ARSK: variants seen among roughly 807,000 people sequenced by gnomAD.
ARSK encodes the protein arylsulfatase K.
A neutral mutation model predicts 53.2 loss-of-function variants in ARSK; 37 were observed. The ratio of observed to expected loss-of-function variants is 0.70; its 90% CI spans 0.54 to 0.92. The LOEUF is 0.92. Among genes scored for constraint, ARSK ranks in the 40% least tolerant of loss-of-function variants. The pLI, the probability that ARSK is intolerant of heterozygous loss-of-function variation, is 0.00. For missense variants in ARSK, 613 were observed against 643.0 expected (o/e 0.95, Z 0.51); for synonymous variants, 208 against 223.2 (o/e 0.93, Z 0.61).
At chr5:95,596,956 G>T (rs1359409842) in intron 6 of ARSK, among the ~76,000 whole-genome samples, 20 of 151,988 alleles carry the variant, frequency 1.3e-4, no homozygotes, top group African/African-American at 4.8e-4. Context: ...TAGTGTGATA[G>T]GATACTATTA....
At chr5:95,569,189 T>C (rs1218697568) in intron 3 of ARSK, among the ~76,000 whole-genome samples, 1 of 152,190 alleles carries the variant, frequency 6.6e-6, no homozygotes, top group Non-Finnish European at 1.5e-5. Context: ...CACGAATACA[T>C]ATTAGGGATT....
rs370567929 is a variant in ARSK, at chr5:95,558,898, T to C, written c.126+3494T>C. On this transcript the variant is annotated intron_variant, in intron 1 of 7. Transcript: ENST00000380009. ...GCTCACACCTGTAATCCCAGCACTTTGGGAGACCGAGGTGGGTGGATCACC... is the reference window on the plus strand; with the variant it reads ...GCTCACACCTGTAATCCCAGCACTTCGGGAGACCGAGGTGGGTGGATCACC... 7.9e-5 allele frequency among the ~76,000 whole-genome samples: 12 copies of C among 152,334 alleles called. No homozygotes were observed. The East Asian group carries it at 1.3e-3, about 17-fold the overall frequency.
At chr5:95,572,700 C>T (rs1003765034) in intron 3 of ARSK, among the ~76,000 whole-genome samples, 8 of 152,272 alleles carry the variant, frequency 5.3e-5, no homozygotes, top group African/African-American at 1.9e-4. Context: ...ATGGCGTGAA[C>T]CCGGGAGGCG....
chr5:95,558,820 A>G (rs1478123244), intron 1 of ARSK, among the ~76,000 whole-genome samples: 1 of 152,204 alleles, frequency 6.6e-6, no homozygotes, highest in Non-Finnish European at 1.5e-5. Context: ...ACTCTTCCAA[A>G]AATTAGGAGA....
At chr5:95,577,169 T>A (rs777015208) in intron 3 of ARSK, among the ~76,000 whole-genome samples, 5 of 152,238 alleles carry the variant, frequency 3.3e-5, no homozygotes, top group Non-Finnish European at 5.9e-5. Flanking sequence ...ACCCGCTTTA[T>A]TTTTTCAGAT....
Position 95,555,452 on chromosome 5 carries a change from C to T in ARSK, c.126+48C>T. 6.4e-7 allele frequency: 1 copy of T among 1,554,262 alleles called. No individual in the cohort carries two copies. Among genetic ancestry groups the T allele is most frequent in the Non-Finnish European group, 8.7e-7 (1 of 1,147,368 alleles). On this transcript the variant is annotated intron_variant, in intron 1 of 7. Coordinates refer to ENST00000380009, the MANE Select transcript of ARSK (RefSeq NM_198150.3). The surrounding 1 kb of genome is among the most constrained non-coding windows in gnomAD (Gnocchi z 4.0). ...GGGGCGCCCCGCTGGGGATCGGCGACCTCACCGCCGCCGCCTGTGCTGCAG... is the reference window on the plus strand; with the variant it reads ...GGGGCGCCCCGCTGGGGATCGGCGATCTCACCGCCGCCGCCTGTGCTGCAG...
Position 95,555,742 on chromosome 5 carries a change from T to A in ARSK, c.126+338T>A, listed in dbSNP as rs1748487372. Among the ~76,000 whole-genome samples the A allele has an allele frequency of 6.6e-6, 1 of 152,232 alleles. No individual in the cohort carries two copies. Among genetic ancestry groups the A allele is most frequent in the Admixed American group, 6.5e-5 (1 of 15,286 alleles). ...TTAATTGTGTGGTAAAATAACATTC[T>A]GCATCTCCATAAAAGCGTGTTAGCT... On this transcript the variant is annotated intron_variant, in intron 1 of 7. Coordinates refer to ENST00000380009, the MANE Select transcript of ARSK (RefSeq NM_198150.3). The surrounding 1 kb of genome is among the most constrained non-coding windows in gnomAD (Gnocchi z 4.0).
chr5:95,590,412 C>A (rs1337514655), intron 5 of ARSK, among the ~76,000 whole-genome samples: 2 of 151,994 alleles, frequency 1.3e-5, no homozygotes, highest in East Asian at 1.9e-4. Flanking sequence ...AAGAATTCGA[C>A]AGTGGGCATC....
intron 6 of ARSK, among the ~76,000 whole-genome samples, chr5:95,600,017 T>C (rs1018490536): frequency 1.4e-4 from 22 of 152,208 alleles, no homozygotes; most frequent in Admixed American, 5.9e-4. Flanking sequence ...ACATAATTAA[T>C]GGTAATTTTT....
intron 3 of ARSK, among the ~76,000 whole-genome samples, chr5:95,574,631 G>A (rs759712028): frequency 5.3e-5 from 8 of 152,030 alleles, no homozygotes; most frequent in South Asian, 2.1e-4. Context: ...TTTGCCATTC[G>A]TATGTCTTCT....
chr5:95,586,542 G>GT lies in ARSK; in HGVS notation c.700-14dup, dbSNP rs1230090364. ...AGCACTATTTTGCTAGCATAACTAA[G>GT]TTTTTTCTCCCCTTTTTAGGTGTCT... On this transcript the variant is annotated intron_variant, in intron 4 of 7. Coordinates refer to ENST00000380009, the MANE Select transcript of ARSK (RefSeq NM_198150.3). The GT allele has an allele frequency of 6.3e-7, 1 of 1,595,014 alleles. No individual in the cohort carries two copies. The highest frequency in any genetic ancestry group is 8.5e-7 in the Non-Finnish European group (1 of 1,173,468).
chr5:95,560,802 C>CTTTT (rs70978188), intron 1 of ARSK, among the ~76,000 whole-genome samples: 1 of 108,288 alleles, frequency 9.2e-6, no homozygotes, highest in Non-Finnish European at 1.9e-5. Context: ...GGCAAAAGAT[C>CTTTT]TTTTTTTTTT....
chr5:95,567,952 C>A lies in ARSK; in HGVS notation c.319C>A (p.Pro107Thr), dbSNP rs896336397. ...TTGGAATAATTTTAAGGGTCTAGAT[C>A]CAAATTATACAACATGGATGGATGT... is the stretch of plus-strand genomic sequence containing the variant. ...ESWNNFKGLD[P>T]NYTTWMDVME... The change falls in exon 3 of 8, where the codon CCA becomes ACA. Residue 107 changes from proline to threonine, a missense_variant. By Grantham distance (38) the Pro-to-Thr change is conservative (BLOSUM62 -1). Coordinates refer to ENST00000380009, the MANE Select transcript of ARSK (RefSeq NM_198150.3). 6.2e-7 allele frequency: 1 copy of A among 1,612,784 alleles called. No homozygotes were observed. Among genetic ancestry groups the A allele is most frequent in the African/African-American group, 1.3e-5 (1 of 74,614 alleles).
chr5:95,597,916 G>A (rs1298896016), intron 6 of ARSK, among the ~76,000 whole-genome samples: 1 of 146,252 alleles, frequency 6.8e-6, no homozygotes. Flanking sequence ...TGGGGGGCGG[G>A]TAATAGTGGC....
intron 3 of ARSK, among the ~76,000 whole-genome samples, chr5:95,575,406 C>A (rs1049917370): frequency 5.9e-5 from 9 of 151,904 alleles, no homozygotes; most frequent in Non-Finnish European, 1.3e-4. Flanking sequence ...TTTATTTCTA[C>A]GAAGAATGTT....
chr5:95,567,885 C>A lies in ARSK; in HGVS notation c.257-5C>A, dbSNP rs879016779. 1.4e-6 allele frequency: 2 copies of A among 1,435,912 alleles called. No individual in the cohort carries two copies. Among genetic ancestry groups the A allele is most frequent in the Non-Finnish European group, 1.8e-6 (2 of 1,088,056 alleles). The allele number at this position is 1,435,912 out of a possible 1,614,324, so 88.9% of individuals were successfully genotyped here. ...AATCCCAATTCCTTTTTTTTTTTTT[C>A]TCAGCAATGTGGAGTGGCCTCTTCA... On this transcript the variant is annotated splice_region_variant and splice_polypyrimidine_tract_variant and intron_variant, in intron 2 of 7. Transcript: ENST00000380009.
intron 6 of ARSK, 133 bp downstream of exon 6, chr5:95,591,758 C>A: frequency 1.3e-6 from 1 of 760,190 alleles, no homozygotes; most frequent in Non-Finnish European, 2.2e-6. Context: ...GCAACTCATT[C>A]AACTGTGAGT....
chr5:95,565,737 C>T (rs1748714988), intron 1 of ARSK, among the ~76,000 whole-genome samples: 1 of 152,134 alleles, frequency 6.6e-6, no homozygotes, highest in Non-Finnish European at 1.5e-5. Flanking sequence ...AATACTTAGT[C>T]AGTTCATCAT....
chr5:95,560,625 GA>G (rs577864474), intron 1 of ARSK, among the ~76,000 whole-genome samples: 24 of 145,616 alleles, frequency 1.6e-4, no homozygotes, highest in South Asian at 4.3e-4. Context: ...AATGGTGCTG[GA>G]AAAAAAAAAT....
Sources: gnomAD v4.1 joint callset for allele counts (sites outside exome capture counted in the v4.1 genomes callset) on GRCh38, gnomAD v4.1.1 for gene constraint, Gnocchi (gnomAD v3.1) non-coding constraint, MANE v1.5 for transcripts, NCBI Gene and HGNC (gene_info 2026-07-23, HGNC 2026-07-21) for gene names.